Variants in OR51B5 observed in about 807,000 individuals in gnomAD.
OR51B5 encodes olfactory receptor family 51 subfamily B member 5.
For synonymous variants in OR51B5, 186 were observed against 144.8 expected, an observed-to-expected ratio of 1.28 and a Z score of -2.04; for missense variants, 456 against 374.6, an observed-to-expected ratio of 1.22 and a Z score of -1.79.
At chr11:5,407,727 CTTCTA>C (rs1564803437) in intron 1 of OR51B5, among the ~76,000 whole-genome samples, 2 of 147,918 alleles carry the variant, frequency 1.4e-5, no homozygotes, top group Non-Finnish European at 3.0e-5. Flanking sequence ...ATAAACTGTA[CTTCTA>C]TTCTCATGGG....
chr11:5,430,787 T>C (rs1009671495), intron 1 of OR51B5: 3 of 457,108 alleles, frequency 6.6e-6, no homozygotes, highest in Middle Eastern at 6.4e-4. Flanking sequence ...GTGTGGACAA[T>C]GGGAGAAGCA....
intron 1 of OR51B5, among the ~76,000 whole-genome samples, chr11:5,418,191 T>A (rs1461761495): frequency 6.6e-6 from 1 of 151,440 alleles, no homozygotes; most frequent in South Asian, 2.1e-4. Context: ...CACTCATAGG[T>A]GGGAATTAAA....
At chr11:5,447,180 G>T (rs186904313) in intron 1 of OR51B5, among the ~76,000 whole-genome samples, 32 of 152,260 alleles carry the variant, frequency 2.1e-4, no homozygotes, top group African/African-American at 7.7e-4. Flanking sequence ...CCAAGGCTAA[G>T]CCTGTTTACC....
chr11:5,477,731 G>A (rs892658634), intron 1 of OR51B5, among the ~76,000 whole-genome samples: 24 of 152,114 alleles, frequency 1.6e-4, no homozygotes, highest in African/African-American at 4.6e-4. Context: ...TTCCCTTTCC[G>A]AGTCAAAGAA....
intron 1 of OR51B5, among the ~76,000 whole-genome samples, chr11:5,452,819 T>C (rs1850877309): frequency 2.6e-5 from 4 of 152,216 alleles, no homozygotes; most frequent in African/African-American, 7.2e-5. Flanking sequence ...ACATAATTTT[T>C]CCAGAAACAG....
At chr11:5,391,649 T>A (rs949997235) in intron 1 of OR51B5, 1 of 152,230 alleles carries the variant, frequency 6.6e-6, no homozygotes, top group Non-Finnish European at 1.5e-5. Flanking sequence ...TCTGCTGGCA[T>A]CCATCAAGGT....
chr11:5,389,302 G>T, intron 1 of OR51B5: 2 of 1,178,070 alleles, frequency 1.7e-6, no homozygotes, highest in Non-Finnish European at 2.4e-6. Flanking sequence ...TAAAGGTGAT[G>T]ATGACCATGG....
At chr11:5,352,321 A>G in intron 1 of OR51B5, 1 of 1,614,074 alleles carries the variant, frequency 6.2e-7, no homozygotes, top group Non-Finnish European at 8.5e-7. Context: ...TGTCGTTCAC[A>G]TCACAATGAG....
intron 1 of OR51B5, among the ~76,000 whole-genome samples, chr11:5,386,604 A>G (rs958392966): frequency 4.6e-5 from 7 of 152,012 alleles, no homozygotes; most frequent in African/African-American, 1.4e-4. Flanking sequence ...AAAACAGTGC[A>G]GTGATTCATA....
At chr11:5,477,877 C>G (rs4586199) in intron 1 of OR51B5, among the ~76,000 whole-genome samples, 15,903 of 151,690 alleles carry the variant, frequency 0.1, 886 homozygotes, top group Middle Eastern at 0.17. Context: ...ACGGAGTCTC[C>G]CTGATTGCTA....
At chr11:5,359,121 A>T (rs1271423431) in intron 1 of OR51B5, among the ~76,000 whole-genome samples, 1 of 152,198 alleles carries the variant, frequency 6.6e-6, no homozygotes, top group African/African-American at 2.4e-5. Context: ...CCTATTCAAC[A>T]TAGTGTTGGA....
chr11:5,404,962 G>A (rs1039874774), intron 1 of OR51B5, among the ~76,000 whole-genome samples: 5 of 152,148 alleles, frequency 3.3e-5, no homozygotes, highest in African/African-American at 7.2e-5. Flanking sequence ...TTTAAGAACT[G>A]TAACAATCAC....
rs1173024151 is a variant in OR51B5, at chr11:5,497,041, T to TC, written n.84+8527_84+8528insG. On this transcript the variant is annotated intron_variant and non_coding_transcript_variant, in intron 1 of 4. Transcript: ENST00000415970. Reference sequence around the variant, plus strand: ...TCCACAGAAGATGGTGAATCAATGTTTAAAAAAAAAAAAAAAAAAAAAAAG... The same window carrying TC: ...TCCACAGAAGATGGTGAATCAATGTTCTAAAAAAAAAAAAAAAAAAAAAAAG... 0.036 allele frequency among the ~76,000 whole-genome samples: 89 copies of TC among 2,486 alleles called. No homozygotes were observed. In the South Asian group the frequency reaches 0.38, roughly 10 times the overall value. 1.6% of individuals were successfully genotyped at this position (2,486 alleles called of 152,430 possible). A position where few individuals can be genotyped will look rare whatever the true frequency, so the allele number is the denominator to read the frequency against.
At chr11:5,349,672 T>C (rs899897316) in intron 1 of OR51B5, among the ~76,000 whole-genome samples, 11 of 152,196 alleles carry the variant, frequency 7.2e-5, no homozygotes, top group African/African-American at 2.7e-4. Context: ...GTACAATTTT[T>C]ATTTGCCATA....
At chr11:5,342,625 G>A (rs1192221962) in exon 1 of OR51B5, 19 of 1,604,652 alleles carry the variant, frequency 1.2e-5, no homozygotes, top group Non-Finnish European at 1.5e-5. Context: ...GGTGAAGAAT[G>A]GCATTCTGAA....
intron 1 of OR51B5, chr11:5,468,988 G>C (rs1398721453): frequency 1.2e-5 from 4 of 341,778 alleles, no homozygotes; most frequent in Admixed American, 8.0e-5. Flanking sequence ...ATATGCCATT[G>C]TGGGCCACAC....
At chr11:5,497,105 C>T (rs1214543327) in intron 1 of OR51B5, among the ~76,000 whole-genome samples, 1 of 151,840 alleles carries the variant, frequency 6.6e-6, no homozygotes, top group Non-Finnish European at 1.5e-5. Context: ...ATTCTTTGAT[C>T]TTGTTTCTCC....
At chr11:5,482,106 T>C (rs1277464590) in intron 1 of OR51B5, among the ~76,000 whole-genome samples, 3 of 119,342 alleles carry the variant, frequency 2.5e-5, no homozygotes, top group African/African-American at 1.1e-4. Flanking sequence ...CTTCAAACTA[T>C]ACTACAAGGC....
At chr11:5,379,801 T>C (rs1291802533) in intron 1 of OR51B5, among the ~76,000 whole-genome samples, 4 of 152,188 alleles carry the variant, frequency 2.6e-5, no homozygotes, top group Non-Finnish European at 5.9e-5. Context: ...GACAGCTTGA[T>C]ACTTTCCCAT....
Sources: allele counts gnomAD v4.1 joint callset (sites outside exome capture counted in the v4.1 genomes callset), GRCh38; gene constraint gnomAD v4.1.1; transcripts MANE v1.5; gene names NCBI Gene and HGNC (gene_info 2026-07-23, HGNC 2026-07-21).